The following PMFBP1 variants were observed in gnomAD, a reference collection of about 807,000 sequenced individuals.
PMFBP1 encodes the protein polyamine-modulated factor 1-binding protein 1.
In PMFBP1, 131 loss-of-function variants were observed where a neutral mutation model predicts 137.8. The ratio of observed to expected loss-of-function variants is 0.95; its 90% confidence interval spans 0.82 to 1.10. The LOEUF is 1.10. PMFBP1 is among the 50% of genes least tolerant of loss of function. The pLI, the probability that PMFBP1 is intolerant of heterozygous loss-of-function variation, is 0.00. For synonymous variants in PMFBP1, 490 were observed against 450.4 expected (o/e 1.09, Z -1.11); for missense variants, 1,199 against 1,175.4 (o/e 1.02, Z -0.29).
rs775874863 is a variant in PMFBP1, at chr16:72,150,812, C to T, written c.432G>A (p.Glu144=). 1 of 1,613,868 alleles carries T rather than the reference C, an allele frequency of 6.2e-7. No individual in the cohort carries two copies. Among genetic ancestry groups the T allele is most frequent in the South Asian group, 1.1e-5 (1 of 91,084 alleles). Reference sequence around the variant, plus strand: ...TGTTCTCGTTGTGATTTCCCATTTCCTCCTCATAGAGAATCACCTGTAGGT... The same window carrying T: ...TGTTCTCGTTGTGATTTCCCATTTCTTCCTCATAGAGAATCACCTGTAGGT... ...LKEDEVILYE[E]EMGNHNENTG... Residue 144 remains glutamate, a synonymous_variant, in exon 5 of 21, where the codon GAG becomes GAA. Coordinates refer to ENST00000237353, the MANE Select transcript of PMFBP1 (RefSeq NM_031293.3).
At chr16:72,169,050 CAA>C (rs1166839758) in intron 2 of PMFBP1, among the ~76,000 whole-genome samples, 1 of 152,048 alleles carries the variant, frequency 6.6e-6, no homozygotes, top group Non-Finnish European at 1.5e-5. Context: ...AAGAGCATTG[CAA>C]AGATTCAAAA....
At chr16:72,239,637 T>C in the PMFBP1 span, among the ~76,000 whole-genome samples, 311 of 152,172 alleles carry the variant, frequency 2.0e-3, 1 homozygote, top group Middle Eastern at 0.01. Context: ...CTTGCACCTC[T>C]AATCCCAGCA....
the PMFBP1 span, among the ~76,000 whole-genome samples, chr16:72,230,898 T>A: frequency 8.7e-4 from 132 of 152,238 alleles, 1 homozygote; most frequent in African/African-American, 3.0e-3. Context: ...TCAATCTGGA[T>A]GAAAAAGAGC....
At chr16:72,185,800 A>G in the PMFBP1 span, among the ~76,000 whole-genome samples, 2 of 152,362 alleles carry the variant, frequency 1.3e-5, no homozygotes, top group Non-Finnish European at 2.9e-5. Flanking sequence ...AATTTGCAGT[A>G]AGAGATCACT....
chr16:72,171,264 T>C lies in PMFBP1; in HGVS notation c.-56A>G. The C allele has an allele frequency of 3.8e-6, 6 of 1,588,930 alleles. No homozygotes were observed. Among genetic ancestry groups the C allele is most frequent in the Non-Finnish European group, 5.2e-6 (6 of 1,159,074 alleles). On this transcript the variant is annotated 5_prime_UTR_variant, in exon 2 of 21. Transcript: ENST00000237353. Reference sequence around the variant, plus strand: ...CTTTAGTATTTTCTGAGCTTTGTTATAAACCTGAAAAAGTCCAAGTATTTA... The same window carrying C: ...CTTTAGTATTTTCTGAGCTTTGTTACAAACCTGAAAAAGTCCAAGTATTTA...
intron 5 of PMFBP1, among the ~76,000 whole-genome samples, chr16:72,144,861 G>C (rs2042781529): frequency 6.6e-6 from 1 of 152,072 alleles, no homozygotes; most frequent in Non-Finnish European, 1.5e-5. Context: ...CCCAATAGAG[G>C]AGCACCCAGA....
chr16:72,163,776 C>T (rs2043098802), intron 3 of PMFBP1, among the ~76,000 whole-genome samples: 1 of 152,162 alleles, frequency 6.6e-6, no homozygotes, highest in African/African-American at 2.4e-5. Flanking sequence ...TCACAGCAAC[C>T]TGGATGGAAT....
the PMFBP1 span, among the ~76,000 whole-genome samples, chr16:72,245,305 C>T: frequency 4.2e-4 from 64 of 152,196 alleles, no homozygotes; most frequent in Non-Finnish European, 7.9e-4. Flanking sequence ...ATTATCTCAA[C>T]TACCCTGGTT....
At chr16:72,127,081 G>C (rs1036867576) in intron 14 of PMFBP1, among the ~76,000 whole-genome samples, 2 of 152,252 alleles carry the variant, frequency 1.3e-5, no homozygotes, top group Non-Finnish European at 2.9e-5. Flanking sequence ...GGAGACCTCA[G>C]AAATTCATAT....
At chr16:72,243,869 G>C in the PMFBP1 span, among the ~76,000 whole-genome samples, 22 of 152,342 alleles carry the variant, frequency 1.4e-4, no homozygotes, top group African/African-American at 5.1e-4. Flanking sequence ...GTAACACAGG[G>C]ATAGATTCCT....
At chr16:72,242,779 T>C in the PMFBP1 span, among the ~76,000 whole-genome samples, 3 of 152,356 alleles carry the variant, frequency 2.0e-5, no homozygotes, top group African/African-American at 7.2e-5. Context: ...GAGAAATACT[T>C]TATAAGCATC....
intron 2 of PMFBP1, among the ~76,000 whole-genome samples, chr16:72,170,079 G>C (rs1264075696): frequency 1.3e-5 from 2 of 151,960 alleles, no homozygotes; most frequent in Non-Finnish European, 2.9e-5. Flanking sequence ...CTACTAAGAA[G>C]GTAAGCTCCA....
chr16:72,175,415 C>T (rs1046544516), upstream of PMFBP1, among the ~76,000 whole-genome samples: 3 of 152,184 alleles, frequency 2.0e-5, no homozygotes, highest in Non-Finnish European at 4.4e-5. Flanking sequence ...ATACCACCTG[C>T]CCACATTGGG....
chr16:72,184,299 C>G, the PMFBP1 span, among the ~76,000 whole-genome samples: 3 of 152,210 alleles, frequency 2.0e-5, no homozygotes, highest in Non-Finnish European at 4.4e-5. Context: ...AGCTCTCCAT[C>G]TGGAGCTCCA....
chr16:72,212,355 A>C, the PMFBP1 span, among the ~76,000 whole-genome samples: 4 of 152,164 alleles, frequency 2.6e-5, no homozygotes, highest in Admixed American at 2.6e-4. Context: ...CAGATAAGAT[A>C]TATAGAGGAT....
Position 72,130,593 on chromosome 16 carries a change from C to T in PMFBP1, c.1577G>A (p.Arg526Lys). The T allele has an allele frequency of 6.2e-7, 1 of 1,614,032 alleles. No individual in the cohort carries two copies. The highest frequency in any genetic ancestry group is 8.5e-7 in the Non-Finnish European group (1 of 1,180,012). The change falls in exon 11 of 21, where the codon AGA becomes AAA. Residue 526 changes from arginine to lysine, a missense_variant. By Grantham distance (26) the Arg-to-Lys change is conservative (BLOSUM62 2). Coordinates refer to ENST00000237353, the MANE Select transcript of PMFBP1 (RefSeq NM_031293.3). ...QKADTIQELQ[R>K]ELQMLQKESS... ...CTCCTTCTGCAGCATCTGAAGTTCTCTCTGTAGTTCCTGGATGGTGTCTGC... is the reference window on the plus strand; with the variant it reads ...CTCCTTCTGCAGCATCTGAAGTTCTTTCTGTAGTTCCTGGATGGTGTCTGC...
intron 18 of PMFBP1, 45 bp downstream of exon 18, chr16:72,123,501 A>C: frequency 6.4e-7 from 1 of 1,567,184 alleles, no homozygotes. Flanking sequence ...TCCTCGGCTC[A>C]GTCCAGGCCT....
chr16:72,136,469 C>A lies in PMFBP1; in HGVS notation c.1182G>T (p.Lys394Asn), dbSNP rs1427099594. The change falls in exon 9 of 21, where the codon AAG becomes AAT. Residue 394 changes from lysine to asparagine, a missense_variant. Coordinates refer to ENST00000237353, the MANE Select transcript of PMFBP1 (RefSeq NM_031293.3). The stretch of plus-strand genomic sequence containing the variant: ...TTACCTTGTCTTTCTTCAAAGTGAG[C>A]TTTTGGGTCTCGGTGAACTCCAGCT... ...ELQLEFTETQ[K>N]LTLKKDKFLQ... 6.2e-7 allele frequency: 1 copy of A among 1,613,692 alleles called. No individual in the cohort carries two copies.
At chr16:72,146,526 C>T (rs2042808948) in intron 5 of PMFBP1, among the ~76,000 whole-genome samples, 2 of 152,060 alleles carry the variant, frequency 1.3e-5, no homozygotes, top group Admixed American at 6.6e-5. Context: ...CTGGCCAGGG[C>T]AATCACGCAA....
Sources: gnomAD v4.1 joint callset for allele counts (sites outside exome capture counted in the v4.1 genomes callset) on GRCh38, gnomAD v4.1.1 for gene constraint, MANE v1.5 for transcripts, NCBI Gene and HGNC (gene_info 2026-07-23, HGNC 2026-07-21) for gene names.